The following RPAIN variants were observed in gnomAD, a reference collection of about 807,000 sequenced individuals.
The protein encoded by RPAIN is RPA interacting protein.
Under a neutral mutation model 30.5 loss-of-function variants are expected in RPAIN, and 29 were observed. The ratio of observed to expected loss-of-function variants is 0.95; its 90% CI spans 0.71 to 1.30. The LOEUF is 1.30. RPAIN is among the 50% of genes most tolerant of loss of function. The pLI is 0.00. For synonymous variants in RPAIN, 101 were observed against 93.5 expected (o/e 1.08, Z -0.46); for missense variants, 247 against 264.7 (o/e 0.93, Z 0.46).
chr17:5,428,384 A>G (rs935497908), intron 6 of RPAIN, 173 bp downstream of exon 6: 62 of 1,493,284 alleles, frequency 4.2e-5, no homozygotes, highest in Non-Finnish European at 5.3e-5. Context: ...CTCAAAGGCC[A>G]GTCAGAAAGA....
intron 3 of RPAIN, chr17:5,425,158 C>CTT: frequency 2.9e-6 from 1 of 349,024 alleles, no homozygotes; most frequent in South Asian, 2.2e-5. Context: ...TGACCCCTTC[C>CTT]CTAATGTCTA....
intron 3 of RPAIN, chr17:5,425,639 A>C (rs1160207092): frequency 8.0e-6 from 3 of 373,908 alleles, no homozygotes; most frequent in African/African-American, 2.1e-5. Flanking sequence ...CCCGGCCAGC[A>C]ATCAGTTCTC....
chr17:5,423,593 C>A (rs150804656), intron 3 of RPAIN, among the ~76,000 whole-genome samples: 111 of 152,296 alleles, frequency 7.3e-4, no homozygotes, highest in Middle Eastern at 3.4e-3. Flanking sequence ...TGATCCCTTG[C>A]CCTATTCATT....
intron 1 of RPAIN, among the ~76,000 whole-genome samples, chr17:5,420,877 G>A (rs552577520): frequency 3.3e-5 from 5 of 152,192 alleles, no homozygotes; most frequent in African/African-American, 1.2e-4. Context: ...AACTAGAATT[G>A]TGACAACCAG....
chr17:5,425,773 CA>C (rs1915325829), intron 3 of RPAIN, among the ~76,000 whole-genome samples, 197 bp from the exon 4 acceptor site: 1 of 152,092 alleles, frequency 6.6e-6, no homozygotes, highest in South Asian at 2.1e-4. Context: ...CTTGTGCTCA[CA>C]AAAAGGGGAC....
Position 5,420,295 on chromosome 17 carries a change from G to A in RPAIN, c.81+4G>A, listed in dbSNP as rs946783178. 6.2e-7 allele frequency: 1 copy of A among 1,613,112 alleles called. No individual in the cohort carries two copies. The highest frequency in any genetic ancestry group is 8.5e-7 in the Non-Finnish European group (1 of 1,179,758). On this transcript the variant is annotated splice_donor_region_variant and intron_variant, in intron 1 of 6. Coordinates refer to ENST00000381209, the MANE Select transcript of RPAIN (RefSeq NM_001033002.4). ...TTGGAAAGAGGCTTTCCGGCAGGTG[G>A]GTATGGGGTTTGTGCAGTGGTCTAC...
At chr17:5,430,467 CA>C in intron 6 of RPAIN, 2 of 153,244 alleles carry the variant, frequency 1.3e-5, no homozygotes, top group Non-Finnish European at 2.9e-5. Context: ...AACTCCATCT[CA>C]AAAAAAGCAA....
Position 5,421,451 on chromosome 17 carries a change from A to G in RPAIN, c.237A>G (p.Pro79=), listed in dbSNP as rs764660538. The G allele has an allele frequency of 6.2e-7, 1 of 1,614,072 alleles. No individual in the cohort carries two copies. Among genetic ancestry groups the G allele is most frequent in the Admixed American group, 1.7e-5 (1 of 60,014 alleles). The change falls in exon 2 of 7, where the codon CCA becomes CCG. Residue 79 remains proline (P), a synonymous_variant. Coordinates refer to ENST00000381209, the MANE Select transcript of RPAIN (RefSeq NM_001033002.4). The stretch of plus-strand genomic sequence containing the variant: ...CTTTGCAGTCAGTGGAGAATTGTCC[A>G]GAAGACTTGGCTCAGGTCAGGCTGG... The part of the protein sequence containing the change: ...WNALQSVENC[P]EDLAQLEELI...
intron 3 of RPAIN, among the ~76,000 whole-genome samples, chr17:5,423,699 A>G (rs1428236021): frequency 1.3e-5 from 2 of 152,040 alleles, no homozygotes; most frequent in Non-Finnish European, 2.9e-5. Flanking sequence ...ATAATTTTGT[A>G]CCTTATATAG....
intron 3 of RPAIN, chr17:5,425,640 A>G: frequency 8.0e-6 from 3 of 374,570 alleles, no homozygotes; most frequent in South Asian, 7.0e-5. Context: ...CCGGCCAGCA[A>G]TCAGTTCTCT....
At chr17:5,421,258 C>CTTT in intron 1 of RPAIN, 38 bp from the exon 2 acceptor site, 1 of 1,500,992 alleles carries the variant, frequency 6.7e-7, no homozygotes, top group Non-Finnish European at 9.0e-7. Context: ...AATAGAAATG[C>CTTT]TTTTTTTTTC....
At position 5,421,331 on chromosome 17, in the gene RPAIN, G is replaced by A; in HGVS notation, c.117G>A (p.Arg39=). The change falls in exon 2 of 7, where the codon AGG becomes AGA. Residue 39 remains arginine (R), a synonymous_variant. Transcript: ENST00000381209. ...CLERMRNSRD[R]LLNRYRQAGS... is the part of the protein sequence containing the mutation. Reference sequence around the variant, plus strand: ...AGAGAATGAGAAACAGCCGGGACAGGCTCCTAAACAGGTACCGCCAGGCTG... The same window carrying A: ...AGAGAATGAGAAACAGCCGGGACAGACTCCTAAACAGGTACCGCCAGGCTG... The A allele has an allele frequency of 3.1e-6, 5 of 1,613,766 alleles. No homozygotes were observed. Among genetic ancestry groups the A allele is most frequent in the African/African-American group, 1.3e-5 (1 of 74,918 alleles).
In RPAIN at chr17:5,421,013, A is replaced by C. The variant is rs138288727; in HGVS notation, c.82-283A>C. Among the ~76,000 whole-genome samples the C allele has an allele frequency of 6.1e-3, 932 of 152,312 alleles. 10 individuals carry two copies. Among genetic ancestry groups the C allele is most frequent in the African/African-American group, 0.021 (882 of 41,552 alleles). Reference sequence around the variant, plus strand: ...GTAGCAAGAATTTGGAAGGAATATAAATGTTCTGTAATAGGACATTGGATG... The same window carrying C: ...GTAGCAAGAATTTGGAAGGAATATACATGTTCTGTAATAGGACATTGGATG... On this transcript the variant is annotated intron_variant, in intron 1 of 6. Transcript: ENST00000381209.
chr17:5,421,149 G>T (rs765625072), intron 1 of RPAIN, 147 bp from the exon 2 acceptor site: 14 of 712,638 alleles, frequency 2.0e-5, no homozygotes, highest in Non-Finnish European at 3.0e-5. Context: ...CTCTACAGAG[G>T]AATATGCAAA....
chr17:5,427,013 T>G (rs980291874), intron 5 of RPAIN: 1 of 152,200 alleles, frequency 6.6e-6, no homozygotes, highest in Non-Finnish European at 1.5e-5. Context: ...GCCAGTTAAT[T>G]GAGCGATTGG....
intron 3 of RPAIN, among the ~76,000 whole-genome samples, chr17:5,424,947 A>T (rs1915231980): frequency 6.6e-6 from 1 of 152,208 alleles, no homozygotes; most frequent in Non-Finnish European, 1.5e-5. Context: ...TGAAGTGACA[A>T]GGATTTACTG....
In RPAIN at chr17:5,428,118, T is replaced by G; in HGVS notation, c.537T>G (p.Ser179Arg). 6.2e-7 allele frequency: 1 copy of G among 1,614,128 alleles called. No homozygotes were observed. Among genetic ancestry groups the G allele is most frequent in the Non-Finnish European group, 8.5e-7 (1 of 1,180,016 alleles). Residue 179 changes from serine to arginine, a missense_variant, in exon 6 of 7, where the codon AGT becomes AGG. Transcript: ENST00000381209. ...AGCTTCGTGCCTGTTTAGAGGGTAGTATAAATGAGCACAGTGCACATTGTC... is the reference window on the plus strand; with the variant it reads ...AGCTTCGTGCCTGTTTAGAGGGTAGGATAAATGAGCACAGTGCACATTGTC... The part of the protein sequence containing the change: ...EQKLRACLEG[S>R]INEHSAHCPH...
At position 5,421,345 on chromosome 17, in the gene RPAIN, A is replaced by C. The variant is rs760113626; in HGVS notation, c.131A>C (p.Tyr44Ser). 4 of 1,613,874 alleles carry C rather than the reference A, an allele frequency of 2.5e-6. No homozygotes were observed. Among genetic ancestry groups the C allele is most frequent in the East Asian group, 4.5e-5 (2 of 44,882 alleles). ...RNSRDRLLNR[Y>S]RQAGSSGPGN... The stretch of plus-strand genomic sequence containing the variant: ...AGCCGGGACAGGCTCCTAAACAGGT[A>C]CCGCCAGGCTGGAAGCAGTGGGCCA... The change falls in exon 2 of 7, where the codon TAC (tyrosine) becomes TCC (serine). Residue 44 changes from tyrosine (Y) to serine (S), a missense_variant. Transcript: ENST00000381209.
rs200955374 is a variant in RPAIN at position 5,420,234 on chromosome 17, G to A, written c.24G>A (p.Pro8=). The change falls in exon 1 of 7, where the codon CCG becomes CCA. Residue 8 remains proline (P), a synonymous_variant. Transcript: ENST00000381209. The part of the protein sequence containing the change: MAESLRS[P]RRSLYKLVGS... Reference sequence around the variant, plus strand: ...AGATGGCGGAGTCGTTGAGGTCTCCGCGCCGCTCCCTGTACAAACTGGTGG... The same window carrying A: ...AGATGGCGGAGTCGTTGAGGTCTCCACGCCGCTCCCTGTACAAACTGGTGG... 48 of 1,613,712 alleles carry A rather than the reference G, an allele frequency of 3.0e-5. No individual in the cohort carries two copies. The East Asian group carries it at 1.0e-3, about 34-fold the overall frequency.
Sources: gnomAD v4.1 joint callset for allele counts (sites outside exome capture counted in the v4.1 genomes callset) on GRCh38, gnomAD v4.1.1 for gene constraint, MANE v1.5 for transcripts, NCBI Gene and HGNC (gene_info 2026-07-23, HGNC 2026-07-21) for gene names.